FAT2: variants seen among roughly 807,000 people sequenced by gnomAD.
The protein encoded by FAT2 is protocadherin Fat 2.
A neutral mutation model predicts 295.3 loss-of-function variants in FAT2; 150 were observed. That is an observed-to-expected ratio of 0.51 (90% CI 0.44 to 0.58). The LOEUF (loss-of-function observed/expected upper bound fraction) is 0.58, where lower values mean the gene tolerates loss of function less well. FAT2 is among the 20% of genes least tolerant of loss of function. FAT2 has a pLI of 0.00. For synonymous variants in FAT2, 2,026 were observed against 2,150.3 expected, an observed-to-expected ratio of 0.94 and a Z score of 1.60; for missense variants, 4,868 against 5,442.7, an observed-to-expected ratio of 0.89 and a Z score of 3.32.
Position 151,534,473 on chromosome 5 carries a change from AGCC to A in FAT2, c.9360_9362del (p.Ala3121del). ...TCTTCACTGTGGTGTTGTCGAAGAC[AGCC>A]ACAGCACAGTGGCTGGGGAAGAACC... On this transcript the variant is annotated inframe_deletion, in exon 13 of 24. Transcript: ENST00000261800. 1.2e-6 allele frequency: 2 copies of A among 1,614,016 alleles called. No individual in the cohort carries two copies. Among genetic ancestry groups the A allele is most frequent in the Non-Finnish European group, 1.7e-6 (2 of 1,179,998 alleles).
At position 151,563,213 on chromosome 5, in the gene FAT2, A is replaced by G. The variant is rs10069901; in HGVS notation, c.3574+112T>C. The G allele has an allele frequency of 0.49, 493,555 of 1,017,392 alleles. 121,908 individuals carry two copies. Among genetic ancestry groups the G allele is most frequent in the Non-Finnish European group, 0.51 (351,769 of 687,426 alleles). The allele number at this position is 1,017,392 out of a possible 1,614,324, so 63.0% of individuals were successfully genotyped here. A position where few individuals can be genotyped will look rare whatever the true frequency, so the allele number is the denominator to read the frequency against. ...GATTCAGTGGATTTAGGGTGGGGCC[A>G]GAGAATTTGAATTTCCAAGTTCACA... On this transcript the variant is annotated intron_variant, in intron 3 of 23. Transcript: ENST00000261800.
chr5:151,589,732 C>CA (rs1339403881), intron 1 of FAT2, among the ~76,000 whole-genome samples: 1 of 150,914 alleles, frequency 6.6e-6, no homozygotes, highest in Non-Finnish European at 1.5e-5. Flanking sequence ...CCCATCTCTA[C>CA]AAAAAAACAT....
rs770177356 is a variant in FAT2 at position 151,505,533 on chromosome 5, C to G, written c.*32G>C. On this transcript the variant is annotated 3_prime_UTR_variant, in exon 24 of 24. Coordinates refer to ENST00000261800, the MANE Select transcript of FAT2 (RefSeq NM_001447.3). ...GAAATAAGCCAAGTCCAGTCCTTGG[C>G]CTCCCGCCTGCCTTGCTCTGGGAAT... The G allele has an allele frequency of 4.3e-6, 7 of 1,612,924 alleles. No individual in the cohort carries two copies. The East Asian group carries it at 1.6e-4, about 36-fold the overall frequency.
At chr5:151,538,119 A>AGAGG (rs1443565612) in intron 11 of FAT2, among the ~76,000 whole-genome samples, 173 bp from the exon 12 acceptor site, 1 of 152,082 alleles carries the variant, frequency 6.6e-6, no homozygotes, top group Non-Finnish European at 1.5e-5. Context: ...AGAAGCAGAG[A>AGAGG]GAGGGAGGGA....
At chr5:151,586,108 G>C (rs895037921) in intron 1 of FAT2, among the ~76,000 whole-genome samples, 1 of 152,230 alleles carries the variant, frequency 6.6e-6, no homozygotes, top group African/African-American at 2.4e-5. Flanking sequence ...ATTGAGCCTT[G>C]CATTTGATGG....
Position 151,507,486 on chromosome 5 carries a change from C to G in FAT2, c.12185G>C (p.Ser4062Thr), listed in dbSNP as rs1320331007. ...ITVAVAFIII[S>T]TVGLLFYCRR... ...GCAGTAGAAGAGAAGCCCGACAGTG[C>G]TTATGATAATGAACGCCACGGCCAC... Residue 4062 changes from serine to threonine, a missense_variant, in exon 23 of 24, where the codon AGC (serine) becomes ACC (threonine). Ser to Thr is a moderately conservative substitution (Grantham distance 58). This residue lies in a region of FAT2 where 492 missense variants were observed against 482.6 expected (regional missense o/e 1.02). Coordinates refer to ENST00000261800, the MANE Select transcript of FAT2 (RefSeq NM_001447.3). The G allele has an allele frequency of 6.2e-7, 1 of 1,614,042 alleles. No individual in the cohort carries two copies. The highest frequency in any genetic ancestry group is 1.3e-5 in the African/African-American group (1 of 74,916).
At position 151,544,385 on chromosome 5, in the gene FAT2, T is replaced by C. The variant is rs1756426522; in HGVS notation, c.6742A>G (p.Thr2248Ala). The change falls in exon 10 of 24, where the codon ACA becomes GCA. Residue 2248 changes from threonine to alanine, a missense_variant. Transcript: ENST00000261800. ...KHVFTVRATD[T>A]ALGSFSEATV... ...GCTTCAGAAAATGACCCCAGAGCTG[T>C]ATCCGTGGCTCTGACTGTGAACACA... is the stretch of plus-strand genomic sequence containing the variant. The C allele has an allele frequency of 3.1e-6, 5 of 1,614,190 alleles. No individual in the cohort carries two copies. The highest frequency in any genetic ancestry group is 4.2e-6 in the Non-Finnish European group (5 of 1,180,030).
At chr5:151,576,326 G>A (rs1758745631) in intron 1 of FAT2, among the ~76,000 whole-genome samples, 1 of 152,194 alleles carries the variant, frequency 6.6e-6, no homozygotes, top group African/African-American at 2.4e-5. Flanking sequence ...AGCAAACTGG[G>A]ATATATTATC....
upstream of FAT2, among the ~76,000 whole-genome samples, chr5:151,591,988 G>A (rs948717009): frequency 6.6e-6 from 1 of 152,064 alleles, no homozygotes; most frequent in African/African-American, 2.4e-5. Flanking sequence ...CTAAGTTTGG[G>A]CTCCCCCATC....
At chr5:151,519,274 G>A (rs1172609788) in intron 19 of FAT2, among the ~76,000 whole-genome samples, 1 of 152,218 alleles carries the variant, frequency 6.6e-6, no homozygotes, top group Non-Finnish European at 1.5e-5. Context: ...AACCTGGGAG[G>A]TGGAAGTTGC....
At chr5:151,539,435 G>A (rs546740772) in intron 11 of FAT2, among the ~76,000 whole-genome samples, 65 of 152,210 alleles carry the variant, frequency 4.3e-4, no homozygotes, top group Non-Finnish European at 7.6e-4. Context: ...ATAGTTGCAT[G>A]TGTGGGTGAG....
chr5:151,591,160 C>A lies in FAT2; in HGVS notation c.-21+5G>T, dbSNP rs1759389378. ...CGCATCTTCCCATCCTCCAGCAATT[C>A]TTACCTGTGCCCTTCAGGTAGGGGA... On this transcript the variant is annotated splice_donor_5th_base_variant and intron_variant, in intron 1 of 23. Transcript: ENST00000261800. Among the ~76,000 whole-genome samples the A allele has an allele frequency of 6.6e-6, 1 of 152,244 alleles. No individual in the cohort carries two copies. Among genetic ancestry groups the A allele is most frequent in the Non-Finnish European group, 1.5e-5 (1 of 68,046 alleles).
At chr5:151,564,939 G>C (rs938924198) in intron 2 of FAT2, among the ~76,000 whole-genome samples, 2 of 152,128 alleles carry the variant, frequency 1.3e-5, no homozygotes, top group Non-Finnish European at 2.9e-5. Context: ...CGGGCATGGT[G>C]GTGGGTGCCT....
intron 1 of FAT2, among the ~76,000 whole-genome samples, chr5:151,572,684 A>G (rs1190328889): frequency 6.6e-6 from 1 of 152,264 alleles, no homozygotes; most frequent in African/African-American, 2.4e-5. Context: ...AGTGCCTGGT[A>G]TGTAGACAAA....
At position 151,546,220 on chromosome 5, in the gene FAT2, C is replaced by G. The variant is rs61743240; in HGVS notation, c.4907G>C (p.Gly1636Ala). The G allele has an allele frequency of 6.2e-7, 1 of 1,614,112 alleles. No homozygotes were observed. Among genetic ancestry groups the G allele is most frequent in the Non-Finnish European group, 8.5e-7 (1 of 1,180,032 alleles). The change falls in exon 10 of 24, where the codon GGC becomes GCC. Residue 1636 changes from glycine to alanine, a missense_variant. Physicochemically the swap from Gly to Ala is moderately conservative, Grantham distance 60. Coordinates refer to ENST00000261800, the MANE Select transcript of FAT2 (RefSeq NM_001447.3). Reference protein sequence around the residue: ...HTLTVKAEDQGSPQWHDLATV... With the variant: ...HTLTVKAEDQASPQWHDLATV... ...AGCCAGGTCATGCCATTGTGGGGAG[C>G]CTTGATCTTCTGCCTTCACTGTCAG...
intron 22 of FAT2, chr5:151,509,804 C>T (rs773186356): frequency 3.0e-5 from 16 of 541,202 alleles, no homozygotes; most frequent in Admixed American, 1.1e-4. Flanking sequence ...AACCATCTCC[C>T]GTTTCTCCTG....
intron 3 of FAT2, among the ~76,000 whole-genome samples, chr5:151,558,810 G>A (rs543901318): frequency 4.6e-5 from 7 of 152,284 alleles, no homozygotes; most frequent in South Asian, 4.1e-4. Context: ...CAGTTCATCC[G>A]TAATTGAAGA....
chr5:151,543,753 A>C lies in FAT2; in HGVS notation c.7374T>G (p.Asp2458Glu). ...SSYNLRVGAS[D>E]GVFRATVPVY... ...CAGGCACAGTTGCTCGGAAGACTCC[A>C]TCAGAAGCACCTACCCTCAAATTGT... The change falls in exon 10 of 24, where the codon GAT (aspartate) becomes GAG (glutamate). Residue 2458 changes from aspartate to glutamate, a missense_variant. Coordinates refer to ENST00000261800, the MANE Select transcript of FAT2 (RefSeq NM_001447.3). 1 of 1,614,230 alleles carries C rather than the reference A, an allele frequency of 6.2e-7. No homozygotes were observed. The highest frequency in any genetic ancestry group is 8.5e-7 in the Non-Finnish European group (1 of 1,180,044).
At chr5:151,581,575 T>G (rs1266754678) in intron 1 of FAT2, among the ~76,000 whole-genome samples, 1 of 152,170 alleles carries the variant, frequency 6.6e-6, no homozygotes, top group Non-Finnish European at 1.5e-5. Flanking sequence ...ATTTATTGGG[T>G]GCCAGGCCCT....
Sources: allele counts gnomAD v4.1 joint callset (sites outside exome capture counted in the v4.1 genomes callset), GRCh38; gene constraint gnomAD v4.1.1; regional missense constraint gnomAD v4.1.1; transcripts MANE v1.5; gene names NCBI Gene and HGNC (gene_info 2026-07-23, HGNC 2026-07-21).